Variants in MYH1 observed in about 807,000 individuals in gnomAD.
MYH1 encodes the protein myosin-1.
In MYH1, 214 loss-of-function variants were observed where a neutral mutation model predicts 225.6. The ratio of observed to expected loss-of-function variants is 0.95; its 90% CI spans 0.85 to 1.06. The LOEUF is 1.06. MYH1 is among the 50% of genes least tolerant of loss of function. MYH1 has a pLI of 0.00. For synonymous variants in MYH1, 774 were observed against 842.3 expected, an observed-to-expected ratio of 0.92 and a Z score of 1.40; for missense variants, 2,098 against 2,344.2, an observed-to-expected ratio of 0.89 and a Z score of 2.17.
intron 6 of MYH1, 144 bp downstream of exon 6, chr17:10,514,724 C>T: frequency 1.3e-6 from 1 of 759,450 alleles, no homozygotes. Flanking sequence ...GCAATGTAAA[C>T]CTTATAATAA....
At chr17:10,517,338 A>G (rs1165178212) in intron 2 of MYH1, among the ~76,000 whole-genome samples, 2 of 152,078 alleles carry the variant, frequency 1.3e-5, no homozygotes, top group South Asian at 2.1e-4. Context: ...TTATCCATCA[A>G]TTTCTGTTGT....
At chr17:10,517,810 A>G (rs1449987930) in intron 2 of MYH1, among the ~76,000 whole-genome samples, 1 of 152,172 alleles carries the variant, frequency 6.6e-6, no homozygotes, top group Non-Finnish European at 1.5e-5. Flanking sequence ...GATTCAGACC[A>G]TTCTATTTAT....
intron 27 of MYH1, 42 bp downstream of exon 27, chr17:10,501,068 A>G (rs1375244507): frequency 1.9e-6 from 3 of 1,603,964 alleles, no homozygotes; most frequent in Middle Eastern, 1.7e-4. Flanking sequence ...GCTAAAGGGA[A>G]AAACAAAAAA....
chr17:10,515,542 T>C (rs112427629), intron 5 of MYH1, among the ~76,000 whole-genome samples: 1 of 152,190 alleles, frequency 6.6e-6, no homozygotes, highest in South Asian at 2.1e-4. Flanking sequence ...AACAAGAAAC[T>C]GAGGCACCAA....
chr17:10,512,740 T>C lies in MYH1; in HGVS notation c.949A>G (p.Ser317Gly), dbSNP rs1486407118. The change falls in exon 11 of 40, where the codon AGT becomes GGT. Residue 317 changes from serine (S) to glycine (G), a missense_variant. Physicochemically the swap from Ser to Gly is moderately conservative, Grantham distance 56. Transcript: ENST00000226207. The stretch of plus-strand genomic sequence containing the variant: ...CTGGGCACTGTGATCTCCCCTTGAC[T>C]GACGAAGGCATAATCGTATGGGTTG... ...TTNPYDYAFV[S>G]QGEITVPSID... The C allele has an allele frequency of 2.5e-6, 4 of 1,614,044 alleles. No individual in the cohort carries two copies. In the South Asian group the frequency reaches 4.4e-5, roughly 18 times the overall value.
At position 10,512,901 on chromosome 17, in the gene MYH1, A is replaced by AT. The variant is rs765390695; in HGVS notation, c.869dup (p.Tyr290Ter). ...LKAERSYHIF[Y>*]QIMSNKKPDL... is the part of the protein sequence containing the mutation. Reference sequence around the variant, plus strand: ...CTGGCTTCTTGTTAGACATGATCTGATAAAAAATATGATAGCTTCTTTCAG... The same window carrying AT: ...CTGGCTTCTTGTTAGACATGATCTGATTAAAAAATATGATAGCTTCTTTCAG... The change falls in exon 10 of 40, where the codon TAT (tyrosine) becomes TAAT (stop). Residue 290 changes from tyrosine to a stop codon, truncating the protein, a stop_gained and frameshift_variant. Coordinates refer to ENST00000226207, the MANE Select transcript of MYH1 (RefSeq NM_005963.4). LOFTEE classifies it high-confidence loss of function. 2 of 1,613,632 alleles carry AT rather than the reference A, an allele frequency of 1.2e-6. No homozygotes were observed. The highest frequency in any genetic ancestry group is 1.7e-5 in the Admixed American group (1 of 60,010).
chr17:10,503,668 AG>A (rs1299612128), intron 22 of MYH1, among the ~76,000 whole-genome samples: 1 of 152,200 alleles, frequency 6.6e-6, no homozygotes, highest in Non-Finnish European at 1.5e-5. Flanking sequence ...GAGTAGACAA[AG>A]GGAATGGAAC....
intron 22 of MYH1, among the ~76,000 whole-genome samples, chr17:10,504,159 A>G (rs1323732544): frequency 2.0e-5 from 3 of 152,182 alleles, no homozygotes; most frequent in African/African-American, 4.8e-5. Context: ...TATTTGTGTT[A>G]CAAAAATGGG....
chr17:10,515,768 C>T lies in MYH1; in HGVS notation c.505+158G>A, dbSNP rs138911314. 2.3e-4 allele frequency among the ~76,000 whole-genome samples: 35 copies of T among 152,260 alleles called. 1 individual carries two copies. The East Asian group carries it at 6.2e-3, about 27-fold the overall frequency. ...TAATCAGGAGAGCTGTGTTTTAATA[C>T]GAGCTTTGACAGTATATACTTCTCT... On this transcript the variant is annotated intron_variant, in intron 5 of 39. Coordinates refer to ENST00000226207, the MANE Select transcript of MYH1 (RefSeq NM_005963.4).
At chr17:10,499,580 T>C (rs2073031976) in intron 28 of MYH1, among the ~76,000 whole-genome samples, 1 of 152,188 alleles carries the variant, frequency 6.6e-6, no homozygotes, top group Admixed American at 6.5e-5. Flanking sequence ...AATGATTAAG[T>C]GGTCTCCCAT....
At chr17:10,515,545 G>A (rs1050470300) in intron 5 of MYH1, among the ~76,000 whole-genome samples, 3 of 152,078 alleles carry the variant, frequency 2.0e-5, no homozygotes, top group Non-Finnish European at 4.4e-5. Flanking sequence ...AAGAAACTGA[G>A]GCACCAAAAG....
At position 10,504,858 on chromosome 17, in the gene MYH1, C is replaced by A. The variant is rs145689977; in HGVS notation, c.2643G>T (p.Met881Ile). Residue 881 changes from methionine (M) to isoleucine (I), a missense_variant, in exon 22 of 40, where the codon ATG (methionine) becomes ATT (isoleucine). Transcript: ENST00000226207. ...CATTTTTTTCTTGCATCAGAGTAAC[C>A]ATTTTTTCTTCCAGCTCTTTCCTTT... The part of the protein sequence containing the change: ...EAKRKELEEK[M>I]VTLMQEKNDL... 4 of 1,614,092 alleles carry A rather than the reference C, an allele frequency of 2.5e-6. No homozygotes were observed. Among genetic ancestry groups the A allele is most frequent in the Non-Finnish European group, 2.5e-6 (3 of 1,180,016 alleles).
chr17:10,495,725 C>A (rs1382060630), intron 35 of MYH1, among the ~76,000 whole-genome samples: 1 of 108,680 alleles, frequency 9.2e-6, no homozygotes, highest in Non-Finnish European at 1.7e-5. Context: ...TGCGCCACTG[C>A]ACTCCAGCCT....
intron 14 of MYH1, 31 bp downstream of exon 14, chr17:10,511,808 C>G (rs753407089): frequency 1.2e-6 from 2 of 1,613,844 alleles, no homozygotes; most frequent in South Asian, 2.2e-5. Context: ...TTGTTGGAAA[C>G]TTTTTTGGTA....
rs781341085 is a variant in MYH1 at position 10,497,869 on chromosome 17, A to G, written c.4230T>C (p.Ala1410=). The G allele has an allele frequency of 3.1e-6, 5 of 1,613,172 alleles. No individual in the cohort carries two copies. In the South Asian group the frequency reaches 3.3e-5, roughly 11 times the overall value. The part of the protein sequence containing the change: ...RLQDAEEHVE[A]VNAKCASLEK... ...CAAGGGAAGCACATTTGGCATTCAC[A>G]GCTTCTACATGTTCCTCAGCATCCT... The change falls in exon 31 of 40, where the codon GCT becomes GCC. Residue 1410 remains alanine (A), a synonymous_variant. Transcript: ENST00000226207.
chr17:10,510,978 G>T (rs948875140), intron 14 of MYH1, among the ~76,000 whole-genome samples: 1 of 150,424 alleles, frequency 6.6e-6, no homozygotes, highest in African/African-American at 2.4e-5. Context: ...AGCTCAAAAT[G>T]ATTGCAAGTA....
chr17:10,500,352 C>A, intron 28 of MYH1, among the ~76,000 whole-genome samples: 1 of 150,978 alleles, frequency 6.6e-6, no homozygotes, highest in East Asian at 1.9e-4. Flanking sequence ...ATTTATCTCT[C>A]TCTCTCTCTT....
chr17:10,502,710 A>C (rs2073070705), intron 24 of MYH1, 28 bp downstream of exon 24: 1 of 1,614,046 alleles, frequency 6.2e-7, no homozygotes, highest in African/African-American at 1.3e-5. Context: ...AAATTTAAAA[A>C]ATCATTTTTA....
chr17:10,495,053 G>T lies in MYH1; in HGVS notation c.5344C>A (p.His1782Asn), dbSNP rs748917868. The T allele has an allele frequency of 6.2e-7, 1 of 1,614,184 alleles. No individual in the cohort carries two copies. The highest frequency in any genetic ancestry group is 2.2e-5 in the East Asian group (1 of 44,882). Residue 1782 changes from histidine to asparagine, a missense_variant, in exon 37 of 40, where the codon CAT (histidine) becomes AAT (asparagine). His to Asn is a moderately conservative substitution (Grantham distance 68, BLOSUM62 1). Transcript: ENST00000226207. ...AGGTTCTTCTTCATCCGCTCCAGAT[G>T]GGCGCTGGTGTCCTGTTCCTTCTTC... Reference protein sequence around the residue: ...ELKKEQDTSAHLERMKKNLEQ... With the variant: ...ELKKEQDTSANLERMKKNLEQ...
Sources: allele counts gnomAD v4.1 joint callset (sites outside exome capture counted in the v4.1 genomes callset), GRCh38; gene constraint gnomAD v4.1.1; transcripts MANE v1.5; gene names NCBI Gene and HGNC (gene_info 2026-07-23, HGNC 2026-07-21).